The following TEX14 variants were observed in gnomAD, a reference collection of about 807,000 sequenced individuals.
The protein encoded by TEX14 is testis expressed 14, intercellular bridge forming factor.
In TEX14, 168 loss-of-function variants were observed where a neutral mutation model predicts 178.6. That is an observed-to-expected ratio of 0.94 (90% CI 0.83 to 1.07). The LOEUF is 1.07. Among genes scored for constraint, TEX14 ranks in the 50% least tolerant of loss-of-function variants. TEX14 has a pLI of 0.00. For synonymous variants in TEX14, 626 were observed against 634.1 expected (o/e 0.99, Z 0.19); for missense variants, 1,730 against 1,753.6 (o/e 0.99, Z 0.24).
intron 2 of TEX14, chr17:58,647,844 T>G (rs1391787509): frequency 6.6e-6 from 1 of 152,004 alleles, no homozygotes; most frequent in Non-Finnish European, 1.5e-5. Context: ...ACTACAGGCA[T>G]GTGCCACCAA....
chr17:58,587,552 T>C (rs1205896780), intron 17 of TEX14, 29 bp downstream of exon 17: 1 of 1,310,978 alleles, frequency 7.6e-7, no homozygotes, highest in Non-Finnish European at 1.1e-6. Context: ...TTTCATTTTG[T>C]CTAATAAAAC....
At chr17:58,579,840 C>T (rs1026645622) in intron 19 of TEX14, 109 bp from the exon 20 acceptor site, 1 of 867,560 alleles carries the variant, frequency 1.2e-6, no homozygotes, top group Non-Finnish European at 1.8e-6. Context: ...TTCATAAGAT[C>T]CCTGCATCTT....
At chr17:58,628,960 T>A (rs1435960538) in intron 3 of TEX14, among the ~76,000 whole-genome samples, 1 of 152,022 alleles carries the variant, frequency 6.6e-6, no homozygotes. Flanking sequence ...CCTCCTTAAG[T>A]AAGATGGGAA....
At chr17:58,584,389 C>T in intron 19 of TEX14, 111 bp downstream of exon 19, 1 of 728,804 alleles carries the variant, frequency 1.4e-6, no homozygotes. Flanking sequence ...ATGCTCCAGC[C>T]AAAAAGAACT....
At chr17:58,560,354 GT>G (rs1298399813) in intron 29 of TEX14, among the ~76,000 whole-genome samples, 1 of 152,162 alleles carries the variant, frequency 6.6e-6, no homozygotes, top group Non-Finnish European at 1.5e-5. Flanking sequence ...AGAATCACAG[GT>G]TCAAGAGTTG....
intron 1 of TEX14, among the ~76,000 whole-genome samples, chr17:58,662,562 T>C (rs1377863975): frequency 6.6e-6 from 1 of 151,920 alleles, no homozygotes; most frequent in Non-Finnish European, 1.5e-5. Context: ...AGAGTTCCCT[T>C]ACGTGTGGGG....
rs764546199 is a variant in TEX14 at position 58,599,227 on chromosome 17, A to C, written c.2118T>G (p.Pro706=). The C allele has an allele frequency of 1.2e-6, 2 of 1,614,028 alleles. No homozygotes were observed. The highest frequency in any genetic ancestry group is 1.7e-6 in the Non-Finnish European group (2 of 1,180,032). ...QNGSLSSLSL[P]ESTREAKSNL... ...TGCTCTTGGCTTCTCTGGTTGACTC[A>C]GGAAGGCTGAGTGAACTGAGTGAAC... Residue 706 remains proline, a synonymous_variant, in exon 14 of 32, where the codon CCT becomes CCG. Transcript: ENST00000349033.
At chr17:58,659,255 G>GAAAAAC in intron 1 of TEX14, 1 of 759,326 alleles carries the variant, frequency 1.3e-6, no homozygotes, top group South Asian at 5.9e-5. Context: ...CCTCCCCCAA[G>GAAAAAC]AAAAACACTT....
At position 58,619,717 on chromosome 17, in the gene TEX14, G is replaced by A. The variant is rs554005625; in HGVS notation, c.554+1933C>T. Among the ~76,000 whole-genome samples the A allele has an allele frequency of 4.0e-5, 6 of 149,652 alleles. No individual in the cohort carries two copies. In the East Asian group the frequency reaches 5.9e-4, roughly 15 times the overall value. ...CTAAGGAGGCTGAGGCAGGAGAATTGCTTGAACCCAGGAGACAGAGGTTGT... is the reference window on the plus strand; with the variant it reads ...CTAAGGAGGCTGAGGCAGGAGAATTACTTGAACCCAGGAGACAGAGGTTGT... On this transcript the variant is annotated intron_variant, in intron 5 of 31. Coordinates refer to ENST00000349033, the MANE Select transcript of TEX14 (RefSeq NM_031272.5).
In TEX14 at chr17:58,587,710, C is replaced by T. The variant is rs555761395; in HGVS notation, c.2703-44G>A. 5 of 1,393,698 alleles carry T rather than the reference C, an allele frequency of 3.6e-6. No homozygotes were observed. The African/African-American group carries it at 5.7e-5, about 16-fold the overall frequency. The allele number at this position is 1,393,698 out of a possible 1,614,324, so 86.3% of individuals were successfully genotyped here. ...TTGGAGGTAGGGGGAGCGGGGTGGA[C>T]ACAAACACATCAGTTTGCTCAAGTT... is the stretch of plus-strand genomic sequence containing the variant. On this transcript the variant is annotated intron_variant, in intron 16 of 31. Transcript: ENST00000349033.
At chr17:58,630,382 C>T in intron 3 of TEX14, 58 bp downstream of exon 3, 1 of 1,320,464 alleles carries the variant, frequency 7.6e-7, no homozygotes, top group Non-Finnish European at 1.1e-6. Flanking sequence ...AGTTTCTAAA[C>T]AAACTCATCT....
At chr17:58,592,935 T>A (rs1019639348) in intron 15 of TEX14, among the ~76,000 whole-genome samples, 3 of 152,192 alleles carry the variant, frequency 2.0e-5, no homozygotes, top group Non-Finnish European at 4.4e-5. Context: ...TGTATATGCA[T>A]ATATATGCAT....
chr17:58,561,762 T>C (rs2044278268), intron 28 of TEX14, 150 bp from the exon 29 acceptor site: 8 of 604,268 alleles, frequency 1.3e-5, no homozygotes, highest in Admixed American at 2.8e-5. Flanking sequence ...AGATTGTGTC[T>C]GGAGTCATAG....
At chr17:58,691,186 A>G (rs545277786) in intron 1 of TEX14, among the ~76,000 whole-genome samples, 15 of 152,200 alleles carry the variant, frequency 9.9e-5, no homozygotes, top group African/African-American at 3.1e-4. Context: ...AATTGATATT[A>G]AACTATATGC....
At chr17:58,688,722 G>A (rs1280207500) in intron 1 of TEX14, among the ~76,000 whole-genome samples, 1 of 152,078 alleles carries the variant, frequency 6.6e-6, no homozygotes, top group Non-Finnish European at 1.5e-5. Flanking sequence ...TGACTCCGCA[G>A]CCCATGCTGG....
At chr17:58,691,237 G>A (rs575169303) in intron 1 of TEX14, among the ~76,000 whole-genome samples, 4 of 152,222 alleles carry the variant, frequency 2.6e-5, no homozygotes, top group African/African-American at 9.6e-5. Context: ...CATGGCTATG[G>A]CCATTTGAAA....
chr17:58,565,512 CT>C (rs2044378207), intron 27 of TEX14, among the ~76,000 whole-genome samples: 1 of 152,194 alleles, frequency 6.6e-6, no homozygotes, highest in Non-Finnish European at 1.5e-5. Context: ...GTACATGGCT[CT>C]GTACATGGAG....
chr17:58,679,144 A>T (rs532426899), intron 1 of TEX14, among the ~76,000 whole-genome samples: 123 of 152,242 alleles, frequency 8.1e-4, no homozygotes, highest in African/African-American at 2.9e-3. Flanking sequence ...ACAAGAGCGA[A>T]ACGCCGTCTC....
chr17:58,609,985 C>A (rs1233480103), intron 10 of TEX14, among the ~76,000 whole-genome samples: 2 of 152,228 alleles, frequency 1.3e-5, no homozygotes, highest in East Asian at 3.8e-4. Flanking sequence ...GGCAAGGGGT[C>A]TGCCCAGTGG....
Sources: allele counts gnomAD v4.1 joint callset (sites outside exome capture counted in the v4.1 genomes callset), GRCh38; gene constraint gnomAD v4.1.1; transcripts MANE v1.5; gene names NCBI Gene and HGNC (gene_info 2026-07-23, HGNC 2026-07-21).